CCDC7: variants seen among roughly 807,000 people sequenced by gnomAD.
The protein encoded by CCDC7 is coiled-coil domain-containing protein 7.
Under a neutral mutation model 196.9 loss-of-function variants are expected in CCDC7, and 183 were observed. The observed-to-expected ratio is 0.93, with a 90% CI of 0.82 to 1.05. CCDC7 has a LOEUF of 1.05. Ranked by LOEUF, CCDC7 falls within the 50% of genes least tolerant of loss-of-function variation. The pLI, the probability that CCDC7 is intolerant of heterozygous loss-of-function variation, is 0.00. For synonymous variants in CCDC7, 525 were observed against 484.6 expected, an observed-to-expected ratio of 1.08 and a Z score of -1.10; for missense variants, 1,540 against 1,482.2, an observed-to-expected ratio of 1.04 and a Z score of -0.64.
intron 11 of CCDC7, among the ~76,000 whole-genome samples, chr10:32,521,845 G>A (rs2047929468): frequency 1.3e-5 from 2 of 152,062 alleles, no homozygotes; most frequent in Admixed American, 1.3e-4. Flanking sequence ...TTTATCATAT[G>A]TGGCTTTTAT....
chr10:32,729,333 G>A lies in CCDC7; in HGVS notation c.2781G>A (p.Thr927=), dbSNP rs139623533. The A allele has an allele frequency of 2.8e-4, 428 of 1,550,038 alleles. 2 individuals carry two copies. The African/African-American group carries it at 4.4e-3, about 16-fold the overall frequency. Residue 927 remains threonine, a splice_region_variant and synonymous_variant, in exon 28 of 42, where the codon ACG becomes ACA. Transcript: ENST00000639629. ...GCACATCTATTTTTTTCTATTTAGC[G>A]TTTCCTTTAGAAATCAAAAAAAAGG...
rs745838102 is a variant in CCDC7 at position 32,462,713 on chromosome 10, A to G, written c.477+10A>G. 21 of 1,462,350 alleles carry G rather than the reference A, an allele frequency of 1.4e-5. No individual in the cohort carries two copies. In the South Asian group the frequency reaches 2.5e-4, roughly 18 times the overall value. The allele number at this position is 1,462,350 out of a possible 1,614,324, so 90.6% of individuals were successfully genotyped here. On this transcript the variant is annotated intron_variant, in intron 4 of 41. Transcript: ENST00000639629. Reference sequence around the variant, plus strand: ...GGAATCTCTTTTTAAGGTACGTTCAATATATTACAGCTTAAGCCTACTAAA... The same window carrying G: ...GGAATCTCTTTTTAAGGTACGTTCAGTATATTACAGCTTAAGCCTACTAAA...
chr10:32,826,058 T>C (rs952919179), intron 32 of CCDC7, among the ~76,000 whole-genome samples: 5 of 152,192 alleles, frequency 3.3e-5, no homozygotes, highest in African/African-American at 1.2e-4. Context: ...AGATAAACTC[T>C]GTGCTGCCTG....
intron 18 of CCDC7, among the ~76,000 whole-genome samples, chr10:32,598,226 C>T (rs1377726906): frequency 6.6e-6 from 1 of 152,190 alleles, no homozygotes; most frequent in Non-Finnish European, 1.5e-5. Context: ...CCCCCAGCCT[C>T]ACTGTCGCCT....
At position 32,845,303 on chromosome 10, in the gene CCDC7, A is replaced by G. The variant is rs543428411; in HGVS notation, c.3413A>G (p.Asn1138Ser). 5 of 1,572,242 alleles carry G rather than the reference A, an allele frequency of 3.2e-6. No homozygotes were observed. In the South Asian group the frequency reaches 3.5e-5, roughly 11 times the overall value. The stretch of plus-strand genomic sequence containing the variant: ...AGAGGTATAATAAAGGGATCAATCA[A>G]TGCACAACTAAAGGGTCACCAAAGT... The change falls in exon 34 of 42, where the codon AAT becomes AGT. Residue 1138 changes from asparagine to serine, a missense_variant. Coordinates refer to ENST00000639629, the Ensembl canonical transcript of CCDC7.
At chr10:32,653,390 C>T (rs1269937533) in intron 20 of CCDC7, among the ~76,000 whole-genome samples, 6 of 150,614 alleles carry the variant, frequency 4.0e-5, no homozygotes, top group Admixed American at 1.3e-4. Context: ...ATACTTTCCT[C>T]TCCTTCAAGA....
chr10:32,469,907 A>G (rs541846549), intron 5 of CCDC7, among the ~76,000 whole-genome samples: 70 of 152,330 alleles, frequency 4.6e-4, no homozygotes, highest in Admixed American at 2.7e-3. Context: ...ATATTCCACT[A>G]TCACAGACAA....
At chr10:32,733,694 G>C (rs1392369573) in intron 28 of CCDC7, among the ~76,000 whole-genome samples, 1 of 152,052 alleles carries the variant, frequency 6.6e-6, no homozygotes, top group East Asian at 1.9e-4. Flanking sequence ...AGATAAGTAT[G>C]TTAATTTCTC....
At position 32,875,894 on chromosome 10, in the gene CCDC7, AT is replaced by A. The variant is rs201160812; in HGVS notation, c.4112-445del. 4.6e-5 allele frequency among the ~76,000 whole-genome samples: 7 copies of A among 151,750 alleles called. No homozygotes were observed. The East Asian group carries it at 5.8e-4, about 13-fold the overall frequency. On this transcript the variant is annotated intron_variant, in intron 41 of 41. Transcript: ENST00000639629. ...AACCATAGGCATATTAAGTATATAC[AT>A]TTTTTTTGTATGCCAAAATACAAAA...
At chr10:32,505,899 C>T (rs2044909939) in intron 9 of CCDC7, among the ~76,000 whole-genome samples, 1 of 142,914 alleles carries the variant, frequency 7.0e-6, no homozygotes, top group Admixed American at 7.0e-5. Context: ...CAGAGGCGCT[C>T]CTTGCCTCCC....
chr10:32,646,899 C>T (rs1474705529), intron 20 of CCDC7, among the ~76,000 whole-genome samples: 1 of 152,150 alleles, frequency 6.6e-6, no homozygotes, highest in Non-Finnish European at 1.5e-5. Context: ...CATGTTGCTG[C>T]AAAGGACACG....
intron 41 of CCDC7, among the ~76,000 whole-genome samples, chr10:32,862,659 T>C (rs2136532157): frequency 6.6e-6 from 1 of 152,096 alleles, no homozygotes. Context: ...CTCTCACCAG[T>C]TCTATTTGTT....
At chr10:32,852,165 C>A (rs2093588150) in intron 40 of CCDC7, among the ~76,000 whole-genome samples, 1 of 152,156 alleles carries the variant, frequency 6.6e-6, no homozygotes, top group Non-Finnish European at 1.5e-5. Flanking sequence ...CATTTCTGTT[C>A]TCCACCTTCT....
chr10:32,873,511 G>A (rs906748393), intron 41 of CCDC7, among the ~76,000 whole-genome samples: 29 of 151,622 alleles, frequency 1.9e-4, no homozygotes, highest in African/African-American at 5.6e-4. Context: ...TAGTTTGATC[G>A]TCTGAAGCCT....
At chr10:32,690,312 T>A (rs1432490727) in intron 23 of CCDC7, among the ~76,000 whole-genome samples, 1 of 152,230 alleles carries the variant, frequency 6.6e-6, no homozygotes, top group Non-Finnish European at 1.5e-5. Context: ...GAGGTCATTA[T>A]GCATTGATGA....
intron 13 of CCDC7, among the ~76,000 whole-genome samples, chr10:32,555,681 A>G (rs553750793): frequency 2.6e-5 from 4 of 152,304 alleles, no homozygotes; most frequent in Admixed American, 1.3e-4. Context: ...ATCCAGTACA[A>G]TATTCAATTT....
At chr10:32,517,455 T>C (rs2047195357) in intron 9 of CCDC7, among the ~76,000 whole-genome samples, 1 of 151,940 alleles carries the variant, frequency 6.6e-6, no homozygotes, top group Non-Finnish European at 1.5e-5. Context: ...AGTGATCCAA[T>C]ATTTCTAGGG....
chr10:32,664,492 C>T (rs911445216), intron 21 of CCDC7, among the ~76,000 whole-genome samples: 7 of 152,016 alleles, frequency 4.6e-5, no homozygotes, highest in Non-Finnish European at 8.8e-5. Flanking sequence ...ACCAACATTG[C>T]TTCAGTCCTC....
chr10:32,726,461 A>G (rs182238130), intron 25 of CCDC7, among the ~76,000 whole-genome samples: 74 of 152,186 alleles, frequency 4.9e-4, no homozygotes, highest in African/African-American at 1.6e-3. Flanking sequence ...CCTACAGTGT[A>G]AATAATCAAT....
Sources: gnomAD v4.1 joint callset for allele counts (sites outside exome capture counted in the v4.1 genomes callset) on GRCh38, gnomAD v4.1.1 for gene constraint, MANE v1.5 for transcripts, NCBI Gene and HGNC (gene_info 2026-07-23, HGNC 2026-07-21) for gene names.